Variants in IL1RAPL1 observed in about 807,000 individuals in gnomAD.
The protein encoded by IL1RAPL1 is interleukin-1 receptor accessory protein-like 1.
In IL1RAPL1, 3 loss-of-function variants were observed where a neutral mutation model predicts 48.4. That is an observed-to-expected ratio of 0.06 (90% CI 0.03 to 0.16). IL1RAPL1 has a LOEUF of 0.16. Ranked by LOEUF, IL1RAPL1 falls within the 10% of genes least tolerant of loss-of-function variation. The pLI is 1.00. For synonymous variants in IL1RAPL1, 185 were observed against 187.7 expected (o/e 0.99, Z 0.12); for missense variants, 349 against 530.6 (o/e 0.66, Z 3.36).
At chrX:29,088,056 A>G (rs1415741402) in intron 2 of IL1RAPL1, among the ~76,000 whole-genome samples, 1 of 111,761 alleles carries the variant, frequency 8.9e-6, no homozygotes, top group African/African-American at 3.3e-5. Flanking sequence ...AAATGTCTTC[A>G]TAGCACTTTC....
At chrX:29,321,653 T>C (rs1932804781) in intron 3 of IL1RAPL1, among the ~76,000 whole-genome samples, 1 of 112,151 alleles carries the variant, frequency 8.9e-6, no homozygotes, top group Non-Finnish European at 1.9e-5. Flanking sequence ...GGTTATATTA[T>C]GTCATGTGTC....
At chrX:29,154,740 T>C (rs1389053001) in intron 2 of IL1RAPL1, among the ~76,000 whole-genome samples, 1 of 111,761 alleles carries the variant, frequency 8.9e-6, no homozygotes, top group Non-Finnish European at 1.9e-5. Context: ...AAGTGTTTAT[T>C]ATGAAGTTCG....
chrX:29,550,185 T>A lies in IL1RAPL1; in HGVS notation c.704-118245T>A, dbSNP rs921213735. On this transcript the variant is annotated intron_variant, in intron 5 of 10. Transcript: ENST00000378993. ...ACTAATTTAATTTTAGAAATTCTTT[T>A]CTTTTCTTTTCTTTTCTTTTTTTTG... 2.7e-5 allele frequency among the ~76,000 whole-genome samples: 3 copies of A among 111,093 alleles called. No individual in the cohort carries two copies. In the Admixed American group the frequency reaches 2.9e-4, roughly 11 times the overall value.
At chrX:29,208,738 AT>A (rs1930715879) in intron 2 of IL1RAPL1, among the ~76,000 whole-genome samples, 1 of 105,702 alleles carries the variant, frequency 9.5e-6, no homozygotes, top group African/African-American at 3.5e-5. Context: ...ATAATAATAA[AT>A]AAATAAATAA....
At chrX:29,492,939 A>G (rs774717967) in intron 5 of IL1RAPL1, among the ~76,000 whole-genome samples, 5 of 111,640 alleles carry the variant, frequency 4.5e-5, no homozygotes, top group Admixed American at 9.6e-5. Flanking sequence ...TTGCCTGTTA[A>G]TGTTGAAGCA....
chrX:29,456,163 C>T lies in IL1RAPL1; in HGVS notation c.703+56855C>T, dbSNP rs779437820. ...AAAAGCCCGGAATTAGAACATCTTA[C>T]GACATCTTCAACTCTAAGTTGAATT... On this transcript the variant is annotated intron_variant, in intron 5 of 10. Transcript: ENST00000378993. Among the ~76,000 whole-genome samples the T allele has an allele frequency of 7.1e-5, 8 of 112,326 alleles. No individual in the cohort carries two copies. The South Asian group carries it at 1.1e-3, about 15-fold the overall frequency.
Position 29,668,485 on chromosome X carries a change from A to G in IL1RAPL1, c.759A>G (p.Thr253=). The G allele has an allele frequency of 2.5e-6, 3 of 1,203,460 alleles. No individual in the cohort carries two copies. Among genetic ancestry groups the G allele is most frequent in the Non-Finnish European group, 3.4e-6 (3 of 888,131 alleles). The change falls in exon 6 of 11, where the codon ACA becomes ACG. Residue 253 remains threonine (T), a synonymous_variant. Transcript: ENST00000378993. ...KLLYPMESKL[T]IQETQLGDSA... ...TGTATCCTATGGAAAGTAAACTGACAATTCAGGAGACCCAGCTGGGTGAGT... is the reference window on the plus strand; with the variant it reads ...TGTATCCTATGGAAAGTAAACTGACGATTCAGGAGACCCAGCTGGGTGAGT...
At chrX:29,202,033 T>C (rs1402811579) in intron 2 of IL1RAPL1, among the ~76,000 whole-genome samples, 1 of 112,437 alleles carries the variant, frequency 8.9e-6, no homozygotes, top group African/African-American at 3.2e-5. Flanking sequence ...GGTTTAAATA[T>C]GATTAAGTTT....
intron 6 of IL1RAPL1, among the ~76,000 whole-genome samples, chrX:29,758,763 C>A (rs1928681425): frequency 9.1e-6 from 1 of 110,094 alleles, no homozygotes; most frequent in Non-Finnish European, 1.9e-5. Flanking sequence ...CAAGTATTGG[C>A]CATTATTCCT....
intron 6 of IL1RAPL1, among the ~76,000 whole-genome samples, chrX:29,776,133 C>T (rs776543558): frequency 7.1e-4 from 79 of 111,681 alleles, no homozygotes; most frequent in Non-Finnish European, 6.8e-4. Context: ...TCAGTGTAAA[C>T]CTATTCAGTG....
intron 2 of IL1RAPL1, among the ~76,000 whole-genome samples, chrX:28,802,082 T>TA (rs1289062911): frequency 8.9e-6 from 1 of 111,995 alleles, no homozygotes; most frequent in Non-Finnish European, 1.9e-5. Flanking sequence ...CTATACAGTT[T>TA]GAGTCAGCAC....
chrX:29,306,223 C>A (rs1369695220), intron 3 of IL1RAPL1, among the ~76,000 whole-genome samples: 1 of 112,228 alleles, frequency 8.9e-6, no homozygotes. Flanking sequence ...TTATTCCTCT[C>A]TGCTTAGAAA....
chrX:29,298,890 A>G (rs1932490375), intron 3 of IL1RAPL1, among the ~76,000 whole-genome samples: 1 of 111,017 alleles, frequency 9.0e-6, no homozygotes, highest in African/African-American at 3.3e-5. Flanking sequence ...ACTGAGTGTC[A>G]ACTTGATTGG....
intron 2 of IL1RAPL1, among the ~76,000 whole-genome samples, chrX:29,116,755 C>T (rs1018527765): frequency 1.8e-5 from 2 of 110,726 alleles, no homozygotes; most frequent in African/African-American, 6.6e-5. Context: ...AGAAAAATAT[C>T]GAAGAGAGTG....
chrX:29,205,209 AAG>A (rs1930638813), intron 2 of IL1RAPL1, among the ~76,000 whole-genome samples: 1 of 111,839 alleles, frequency 8.9e-6, no homozygotes, highest in Non-Finnish European at 1.9e-5. Context: ...TGGTCAAGGA[AAG>A]AGTCTTTTTC....
At chrX:29,329,678 T>C (rs1932868449) in intron 3 of IL1RAPL1, among the ~76,000 whole-genome samples, 1 of 109,944 alleles carries the variant, frequency 9.1e-6, no homozygotes, top group Non-Finnish European at 1.9e-5. Flanking sequence ...CCGGTCGTGG[T>C]GGCACACGCC....
intron 2 of IL1RAPL1, among the ~76,000 whole-genome samples, chrX:28,864,232 G>C (rs935905481): frequency 8.9e-6 from 1 of 111,860 alleles, no homozygotes; most frequent in Non-Finnish European, 1.9e-5. Flanking sequence ...GTAATGCACA[G>C]TCCTGACTGA....
intron 2 of IL1RAPL1, among the ~76,000 whole-genome samples, chrX:28,976,299 G>T (rs185376519): frequency 1.8e-5 from 2 of 111,914 alleles, no homozygotes; most frequent in Non-Finnish European, 3.8e-5. Context: ...GGCCAGAAAT[G>T]ATGATGACTT....
chrX:29,036,419 C>G (rs781672882), intron 2 of IL1RAPL1, among the ~76,000 whole-genome samples: 73 of 112,372 alleles, frequency 6.5e-4, no homozygotes, highest in African/African-American at 2.2e-3. Context: ...GCAATTGAAA[C>G]TGTTTCCGGC....
Sources: gnomAD v4.1 joint callset for allele counts (sites outside exome capture counted in the v4.1 genomes callset) on GRCh38, gnomAD v4.1.1 for gene constraint, MANE v1.5 for transcripts, NCBI Gene and HGNC (gene_info 2026-07-23, HGNC 2026-07-21) for gene names.